CPNE8: variants seen among roughly 807,000 people sequenced by gnomAD.
CPNE8 encodes the protein copine 8.
A neutral mutation model predicts 81.5 loss-of-function variants in CPNE8; 45 were observed. That is an observed-to-expected ratio of 0.55 (90% CI 0.44 to 0.71). CPNE8 has a LOEUF of 0.71. Ranked by LOEUF, CPNE8 falls within the 30% of genes least tolerant of loss-of-function variation. The pLI, the probability that CPNE8 is intolerant of heterozygous loss-of-function variation, is 0.00. For missense variants in CPNE8, 594 were observed against 672.1 expected, an observed-to-expected ratio of 0.88 and a Z score of 1.28; for synonymous variants, 252 against 226.3, an observed-to-expected ratio of 1.11 and a Z score of -1.02.
intron 6 of CPNE8, among the ~76,000 whole-genome samples, chr12:38,798,216 T>C (rs1206154584): frequency 1.3e-5 from 2 of 152,062 alleles, no homozygotes; most frequent in Non-Finnish European, 2.9e-5. Flanking sequence ...AAGATACTCC[T>C]TGAGAAGAGC....
intron 10 of CPNE8, among the ~76,000 whole-genome samples, chr12:38,740,995 G>A (rs4489784): frequency 0.058 from 8,815 of 151,978 alleles, 844 homozygotes; most frequent in African/African-American, 0.2. Context: ...GACCTCTTCA[G>A]GGAGAACTAC....
intron 10 of CPNE8, among the ~76,000 whole-genome samples, chr12:38,744,653 G>C (rs1038167688): frequency 6.6e-6 from 1 of 152,082 alleles, no homozygotes; most frequent in African/African-American, 2.4e-5. Flanking sequence ...AAATCTGAAG[G>C]CTCCACATTC....
chr12:38,704,639 C>A (rs1047876466), intron 13 of CPNE8, among the ~76,000 whole-genome samples: 1 of 151,764 alleles, frequency 6.6e-6, no homozygotes, highest in Non-Finnish European at 1.5e-5. Context: ...ACACAGTACA[C>A]TGTGGAGCAT....
intron 13 of CPNE8, among the ~76,000 whole-genome samples, chr12:38,710,613 G>A (rs1940232377): frequency 2.6e-5 from 4 of 152,170 alleles, no homozygotes; most frequent in Admixed American, 6.5e-5. Context: ...AGCAACCCAT[G>A]CCATTTTCTA....
intron 4 of CPNE8, among the ~76,000 whole-genome samples, chr12:38,847,409 A>G (rs532524527): frequency 3.2e-4 from 49 of 152,288 alleles, no homozygotes; most frequent in African/African-American, 1.2e-3. Context: ...ACCACATACT[A>G]CATGACTTAT....
intron 1 of CPNE8, among the ~76,000 whole-genome samples, chr12:38,893,596 T>C (rs560135521): frequency 1.3e-5 from 2 of 152,286 alleles, no homozygotes; most frequent in African/African-American, 4.8e-5. Flanking sequence ...CTTCTTTTAT[T>C]CCTTTACTTT....
intron 1 of CPNE8, among the ~76,000 whole-genome samples, chr12:38,880,054 A>G: frequency 6.6e-6 from 1 of 152,220 alleles, no homozygotes. Flanking sequence ...TTAATTTTCT[A>G]TAGGGACAAA....
At chr12:38,716,780 T>C (rs1358962365) in intron 13 of CPNE8, among the ~76,000 whole-genome samples, 1 of 151,850 alleles carries the variant, frequency 6.6e-6, no homozygotes, top group Admixed American at 6.6e-5. Context: ...AAAACAAAAG[T>C]AAACAAATCA....
chr12:38,730,703 C>A (rs1719858), intron 10 of CPNE8, among the ~76,000 whole-genome samples: 2 of 151,068 alleles, frequency 1.3e-5, no homozygotes, highest in African/African-American at 2.4e-5. Flanking sequence ...TTAGAGACTA[C>A]ACTAATAAAT....
chr12:38,777,618 C>A (rs1941962982), intron 6 of CPNE8, among the ~76,000 whole-genome samples: 1 of 152,038 alleles, frequency 6.6e-6, no homozygotes, highest in South Asian at 2.1e-4. Context: ...ATGGTAAGTA[C>A]CCTACACAGG....
intron 10 of CPNE8, among the ~76,000 whole-genome samples, chr12:38,745,472 C>T (rs1057193303): frequency 3.3e-5 from 5 of 152,194 alleles, no homozygotes; most frequent in Non-Finnish European, 7.3e-5. Flanking sequence ...TTAAATTCCC[C>T]TGCAGTAACT....
intron 1 of CPNE8, among the ~76,000 whole-genome samples, chr12:38,878,791 C>G (rs942724414): frequency 2.0e-5 from 3 of 152,122 alleles, no homozygotes; most frequent in Admixed American, 2.0e-4. Flanking sequence ...ATTTTTCAAG[C>G]AAATAATCTA....
chr12:38,653,860 ACATTAG>A lies in CPNE8; in HGVS notation c.*16_*21del. ...ACTCAGCACTTTTGATTTGTAGTTG[ACATTAG>A]CATTTCAGAGCACAGTCATATTTGA... On this transcript the variant is annotated 3_prime_UTR_variant, in exon 20 of 20. Coordinates refer to ENST00000331366, the MANE Select transcript of CPNE8 (RefSeq NM_153634.3). The A allele has an allele frequency of 6.2e-7, 1 of 1,605,196 alleles. No homozygotes were observed. Among genetic ancestry groups the A allele is most frequent in the Non-Finnish European group, 8.5e-7 (1 of 1,177,154 alleles).
At chr12:38,776,512 G>A (rs560972489) in intron 6 of CPNE8, among the ~76,000 whole-genome samples, 7 of 151,798 alleles carry the variant, frequency 4.6e-5, no homozygotes, top group Non-Finnish European at 8.8e-5. Flanking sequence ...GTTTCGCCAT[G>A]TTGGCCAAGC....
At chr12:38,791,029 T>A (rs978505915) in intron 6 of CPNE8, among the ~76,000 whole-genome samples, 9 of 151,772 alleles carry the variant, frequency 5.9e-5, no homozygotes, top group Non-Finnish European at 1.2e-4. Context: ...TAATTTACAT[T>A]CTTCGTTAAT....
intron 13 of CPNE8, among the ~76,000 whole-genome samples, chr12:38,705,242 G>A (rs1940075550): frequency 3.3e-5 from 5 of 151,950 alleles, no homozygotes; most frequent in Admixed American, 3.3e-4. Flanking sequence ...ATAATGATGG[G>A]ATTTAAATAA....
At chr12:38,776,841 A>G (rs535453457) in intron 6 of CPNE8, among the ~76,000 whole-genome samples, 1 of 152,252 alleles carries the variant, frequency 6.6e-6, no homozygotes, top group East Asian at 1.9e-4. Context: ...CTTAGCACAG[A>G]GCATTACTCA....
intron 4 of CPNE8, among the ~76,000 whole-genome samples, chr12:38,845,446 T>C (rs1288789790): frequency 6.6e-6 from 1 of 152,142 alleles, no homozygotes; most frequent in African/African-American, 2.4e-5. Context: ...TGTCAGAATA[T>C]TTGCAGTAGT....
intron 15 of CPNE8, among the ~76,000 whole-genome samples, chr12:38,688,648 AAAG>A (rs1166067816): frequency 2.0e-5 from 3 of 152,086 alleles, no homozygotes; most frequent in African/African-American, 7.2e-5. Flanking sequence ...TCAACCATAA[AAAG>A]GAATGGAATA....
Sources: gnomAD v4.1 joint callset for allele counts (sites outside exome capture counted in the v4.1 genomes callset) on GRCh38, gnomAD v4.1.1 for gene constraint, MANE v1.5 for transcripts, NCBI Gene and HGNC (gene_info 2026-07-23, HGNC 2026-07-21) for gene names.